Variants in SF3B2 observed in about 807,000 individuals in gnomAD.
The protein encoded by SF3B2 is SAP 145.
SF3B2 carries 22 observed loss-of-function variants against 116.3 expected under a neutral mutation model. The ratio of observed to expected loss-of-function variants is 0.19; its 90% CI spans 0.14 to 0.27. The LOEUF is 0.27. Among genes scored for constraint, SF3B2 ranks in the 10% least tolerant of loss-of-function variants. The pLI, the probability that SF3B2 is intolerant of heterozygous loss-of-function variation, is 1.00. For missense variants in SF3B2, 767 were observed against 1,151.4 expected (o/e 0.67, Z 4.83); for synonymous variants, 406 against 421.6 (o/e 0.96, Z 0.45).
chr11:66,068,408 C>G, intron 21 of SF3B2, 75 bp downstream of exon 21: 1 of 1,433,692 alleles, frequency 7.0e-7, no homozygotes. Context: ...GCATGGTGCC[C>G]TCTAGTGGTG....
At chr11:66,062,496 AAAG>A (rs1016132634) in intron 16 of SF3B2, among the ~76,000 whole-genome samples, 17 of 151,956 alleles carry the variant, frequency 1.1e-4, no homozygotes, top group African/African-American at 3.6e-4. Flanking sequence ...AAAAAAGAAA[AAAG>A]AAATAATTTT....
rs767015139 is a variant in SF3B2 at position 66,069,209 on chromosome 11, A to C, written c.*464A>C. ...CAGAGGAAGTAACAGTGGGCTTGGG[A>C]AGTAGGCCAGGGCAGGCCTTCCCAA... is the stretch of plus-strand genomic sequence containing the variant. On this transcript the variant is annotated 3_prime_UTR_variant, in exon 22 of 22. Coordinates refer to ENST00000322535, the MANE Select transcript of SF3B2 (RefSeq NM_006842.3). 2.8e-6 allele frequency: 1 copy of C among 361,558 alleles called. No individual in the cohort carries two copies. Among genetic ancestry groups the C allele is most frequent in the Non-Finnish European group, 5.6e-6 (1 of 178,952 alleles). 22.4% of individuals were successfully genotyped at this position (361,558 alleles called of 1,614,324 possible). A position where few individuals can be genotyped will look rare whatever the true frequency, so the allele number is the denominator to read the frequency against.
At chr11:66,061,621 C>A in intron 14 of SF3B2, 65 bp from the exon 15 acceptor site, 1 of 1,192,302 alleles carries the variant, frequency 8.4e-7, no homozygotes, top group African/African-American at 1.5e-5. Context: ...ATCTGATGTG[C>A]GTTAGGATTG....
chr11:66,066,657 C>T (rs1419097048), intron 19 of SF3B2: 2 of 152,282 alleles, frequency 1.3e-5, no homozygotes, highest in African/African-American at 4.8e-5. Context: ...TGTACTCTAC[C>T]CACCACCCTG....
chr11:66,055,754 C>T lies in SF3B2; in HGVS notation c.549+169C>T, dbSNP rs559329652. The T allele has an allele frequency of 8.0e-6, 5 of 625,028 alleles. No individual in the cohort carries two copies. The Admixed American group carries it at 9.1e-5, about 11-fold the overall frequency. The allele number at this position is 625,028 out of a possible 1,614,324, so 38.7% of individuals were successfully genotyped here. Reference sequence around the variant, plus strand: ...TTCTTGAAGTTCAGGAATTGACAAACTATGACCTGTGGCCTGCATGTGTAT... The same window carrying T: ...TTCTTGAAGTTCAGGAATTGACAAATTATGACCTGTGGCCTGCATGTGTAT... On this transcript the variant is annotated intron_variant, in intron 5 of 21. Coordinates refer to ENST00000322535, the MANE Select transcript of SF3B2 (RefSeq NM_006842.3).
At chr11:66,055,709 T>A in intron 5 of SF3B2, 124 bp downstream of exon 5, 1 of 821,024 alleles carries the variant, frequency 1.2e-6, no homozygotes, top group Non-Finnish European at 1.9e-6. Flanking sequence ...AGTTCTAGTA[T>A]CTTCCAAAGC....
At position 66,059,721 on chromosome 11, in the gene SF3B2, A is replaced by C; in HGVS notation, c.1402-61A>C. 1.2e-6 allele frequency: 2 copies of C among 1,602,284 alleles called. No homozygotes were observed. Among genetic ancestry groups the C allele is most frequent in the Admixed American group, 3.3e-5 (2 of 59,890 alleles). ...TTTGGGTTTGGGTCCTTTGAGGAAG[A>C]AGAGCTTCAGAACTGAGAAGTCGGG... On this transcript the variant is annotated intron_variant, in intron 12 of 21. Transcript: ENST00000322535. The surrounding 1 kb of genome is among the most constrained non-coding windows in gnomAD (Gnocchi z 5.0).
chr11:66,068,365 A>G, intron 21 of SF3B2, 32 bp downstream of exon 21: 1 of 1,529,718 alleles, frequency 6.5e-7, no homozygotes, highest in Non-Finnish European at 8.8e-7. Context: ...GGGCTGGGTG[A>G]GAGCCAGGGA....
chr11:66,063,678 C>G lies in SF3B2; in HGVS notation c.2279C>G (p.Thr760Ser). Residue 760 changes from threonine (T) to serine (S), a missense_variant, in exon 19 of 22, where the codon ACC (threonine) becomes AGC (serine). Transcript: ENST00000322535. ...TCATCAGTGCCTGCTGGAATGGAGA[C>G]CCCTGAACTCATTGAGCTGAGGAAG... ...GFSSVPAGME[T>S]PELIELRKKK... is the part of the protein sequence containing the mutation. 6.2e-7 allele frequency: 1 copy of G among 1,613,658 alleles called. No homozygotes were observed. Among genetic ancestry groups the G allele is most frequent in the Admixed American group, 1.7e-5 (1 of 59,940 alleles).
rs1180609934 is a variant in SF3B2 at position 66,068,041 on chromosome 11, C to A, written c.2426C>A (p.Ser809Tyr). 6.2e-7 allele frequency: 1 copy of A among 1,613,844 alleles called. No homozygotes were observed. Among genetic ancestry groups the A allele is most frequent in the Non-Finnish European group, 8.5e-7 (1 of 1,179,842 alleles). Residue 809 changes from serine (S) to tyrosine (Y), a missense_variant, in exon 20 of 22, where the codon TCC (serine) becomes TAC (tyrosine). Transcript: ENST00000322535. Reference sequence around the variant, plus strand: ...GGATCAACCCACATTTATGACATGTCCACGGTGAGTACTTGGAGGATACTG... The same window carrying A: ...GGATCAACCCACATTTATGACATGTACACGGTGAGTACTTGGAGGATACTG... ...MMGSTHIYDM[S>Y]TVMSRKGPAP...
chr11:66,052,839 C>T, intron 2 of SF3B2, 120 bp downstream of exon 2: 1 of 1,314,822 alleles, frequency 7.6e-7, no homozygotes, highest in Non-Finnish European at 1.1e-6. Flanking sequence ...GAGGCTTGCC[C>T]TTTTTAGCTT....
chr11:66,057,398 A>G (rs1286252681), intron 7 of SF3B2, 23 bp downstream of exon 7: 1 of 1,085,084 alleles, frequency 9.2e-7, no homozygotes, highest in Non-Finnish European at 1.4e-6. Context: ...ATTTATTCCT[A>G]GGGATAAGAG....
chr11:66,060,642 A>G lies in SF3B2; in HGVS notation c.1690A>G (p.Ile564Val). ...GAAAGTTCGGCCTAAGATGGGCAAA[A>G]TTGACATCGACTACCAGAAACTGCA... ...REKVRPKMGK[I>V]DIDYQKLHDA... The change falls in exon 14 of 22, where the codon ATT (isoleucine) becomes GTT (valine). Residue 564 changes from isoleucine (I) to valine (V), a missense_variant. Coordinates refer to ENST00000322535, the MANE Select transcript of SF3B2 (RefSeq NM_006842.3). The G allele has an allele frequency of 1.2e-6, 2 of 1,614,180 alleles. No individual in the cohort carries two copies. Among genetic ancestry groups the G allele is most frequent in the African/African-American group, 1.3e-5 (1 of 75,038 alleles).
rs775039148 is a variant in SF3B2, at chr11:66,063,739, C to G, written c.2330+10C>G. On this transcript the variant is annotated intron_variant, in intron 19 of 21. Coordinates refer to ENST00000322535, the MANE Select transcript of SF3B2 (RefSeq NM_006842.3). ...AGGAGGCGATGGACGGGTAAGGGTA[C>G]CAGACAGGGCTGAGAGGGGAGGACC... 6.3e-7 allele frequency: 1 copy of G among 1,594,686 alleles called. No individual in the cohort carries two copies. Among genetic ancestry groups the G allele is most frequent in the South Asian group, 1.1e-5 (1 of 88,656 alleles).
At chr11:66,067,614 A>G (rs1209623744) in intron 19 of SF3B2, 1 of 474,186 alleles carries the variant, frequency 2.1e-6, no homozygotes, top group Non-Finnish European at 4.2e-6. Context: ...CGCCTGCTCT[A>G]TCTTGCCAGC....
intron 2 of SF3B2, 103 bp downstream of exon 2, chr11:66,052,822 C>A: frequency 7.3e-7 from 1 of 1,376,642 alleles, no homozygotes; most frequent in Middle Eastern, 1.9e-4. Context: ...CTCGGCACAG[C>A]AAGGCGGAGG....
At position 66,059,875 on chromosome 11, in the gene SF3B2, C is replaced by T. The variant is rs1243471130; in HGVS notation, c.1495C>T (p.Pro499Ser). Residue 499 changes from proline to serine, a missense_variant, in exon 13 of 22, where the codon CCT (proline) becomes TCT (serine). Physicochemically the swap from Pro to Ser is moderately conservative, Grantham distance 74. Around this residue, in one of 4 missense-constraint regions of SF3B2, gnomAD observed 282 missense variants for 568.0 expected, o/e 0.50. Transcript: ENST00000322535. This position sits in a 1 kb window ranked among gnomAD's most constrained non-coding sequence, Gnocchi z 5.0. ...VHLKATRNSV[P>S]VPRHWCFKRK... ...CCTCAAGGCCACTCGGAACTCTGTGCCTGTGCCACGCCACTGGTGTTTTAA... is the reference window on the plus strand; with the variant it reads ...CCTCAAGGCCACTCGGAACTCTGTGTCTGTGCCACGCCACTGGTGTTTTAA... 4.3e-6 allele frequency: 7 copies of T among 1,614,226 alleles called. No homozygotes were observed. The South Asian group carries it at 7.7e-5, about 18-fold the overall frequency.
At chr11:66,063,575 G>C (rs767816050) in intron 18 of SF3B2, 33 bp downstream of exon 18, 1 of 1,610,856 alleles carries the variant, frequency 6.2e-7, no homozygotes, top group South Asian at 1.1e-5. Flanking sequence ...CTTGGAAGTG[G>C]GCTATCTTTG....
intron 19 of SF3B2, chr11:66,067,560 C>A: frequency 6.5e-6 from 3 of 459,536 alleles, no homozygotes. Context: ...GAATTACATA[C>A]ATGAGAACTC....
Sources: allele counts gnomAD v4.1 joint callset (sites outside exome capture counted in the v4.1 genomes callset), GRCh38; gene constraint gnomAD v4.1.1; regional missense constraint gnomAD v4.1.1; non-coding constraint Gnocchi (gnomAD v3.1); transcripts MANE v1.5; gene names NCBI Gene and HGNC (gene_info 2026-07-23, HGNC 2026-07-21).